The following KIF3B variants were observed in gnomAD, a reference collection of about 807,000 sequenced individuals.
KIF3B encodes the protein kinesin-like protein KIF3B.
In KIF3B, 38 loss-of-function variants were observed where a neutral mutation model predicts 74.3. The ratio of observed to expected loss-of-function variants is 0.51; its 90% CI spans 0.39 to 0.67. The LOEUF (loss-of-function observed/expected upper bound fraction) is 0.67, where lower values mean the gene tolerates loss of function less well. KIF3B is among the 30% of genes least tolerant of loss of function. The probability of loss-of-function intolerance (pLI) is 0.00; values close to 1 mark genes in which losing one functional copy is unlikely to be tolerated. For missense variants in KIF3B, 649 were observed against 932.0 expected, an observed-to-expected ratio of 0.70 and a Z score of 3.95; for synonymous variants, 326 against 342.5, an observed-to-expected ratio of 0.95 and a Z score of 0.53.
intron 1 of KIF3B, among the ~76,000 whole-genome samples, chr20:32,291,320 T>G (rs2047690242): frequency 6.6e-6 from 1 of 152,158 alleles, no homozygotes; most frequent in Non-Finnish European, 1.5e-5. Flanking sequence ...GGGTGATTTT[T>G]TTTTCATTTG....
At chr20:32,323,543 G>A (rs911184535) in intron 5 of KIF3B, among the ~76,000 whole-genome samples, 1 of 151,860 alleles carries the variant, frequency 6.6e-6, no homozygotes. Context: ...GGGACTACTC[G>A]AGTAGTGAGC....
At chr20:32,286,139 G>A (rs2047666672) in intron 1 of KIF3B, among the ~76,000 whole-genome samples, 1 of 152,172 alleles carries the variant, frequency 6.6e-6, no homozygotes, top group Non-Finnish European at 1.5e-5. Context: ...TCTATAAATG[G>A]AAATGGGTTC....
chr20:32,302,760 C>T (rs2047750545), intron 1 of KIF3B, among the ~76,000 whole-genome samples: 1 of 152,106 alleles, frequency 6.6e-6, no homozygotes, highest in South Asian at 2.1e-4. Context: ...GCACCTAGAT[C>T]AGCTTTGGCA....
At position 32,332,950 on chromosome 20, in the gene KIF3B, T is replaced by A. The variant is rs1054725232; in HGVS notation, c.*1631T>A. ...TGCCTCAGGAAGGTGGCGACTCAGG[T>A]GGGCCTTGAGTTATATTTTAACTCA... On this transcript the variant is annotated 3_prime_UTR_variant, in exon 9 of 9. Coordinates refer to ENST00000375712, the MANE Select transcript of KIF3B (RefSeq NM_004798.4). The A allele has an allele frequency of 6.6e-6, 1 of 152,574 alleles. No homozygotes were observed. The highest frequency in any genetic ancestry group is 6.5e-5 in the Admixed American group (1 of 15,268). 9.5% of individuals were successfully genotyped at this position (152,574 alleles called of 1,614,324 possible).
At chr20:32,288,566 CCTT>C (rs1328964389) in intron 1 of KIF3B, among the ~76,000 whole-genome samples, 1 of 152,092 alleles carries the variant, frequency 6.6e-6, no homozygotes, top group African/African-American at 2.4e-5. Context: ...GTTTTTCTCA[CCTT>C]CTTTTTAGTC....
At position 32,327,670 on chromosome 20, in the gene KIF3B, A is replaced by C. The variant is rs1360997286; in HGVS notation, c.1968+9A>C. ...CAGAGGCCCGATATAGGGTGAGAAG[A>C]TCCTTCTTGGGTTTTTCTCCTGTCT... On this transcript the variant is annotated intron_variant, in intron 7 of 8. Transcript: ENST00000375712. 1 of 1,606,368 alleles carries C rather than the reference A, an allele frequency of 6.2e-7. No individual in the cohort carries two copies. The highest frequency in any genetic ancestry group is 2.2e-5 in the East Asian group (1 of 44,742).
intron 2 of KIF3B, among the ~76,000 whole-genome samples, chr20:32,315,283 C>G (rs537172130): frequency 6.6e-6 from 1 of 152,340 alleles, no homozygotes; most frequent in East Asian, 1.9e-4. Flanking sequence ...GGATTTAGGT[C>G]AACTTCATCA....
In KIF3B at chr20:32,332,735, G is replaced by T. The variant is rs1170687781; in HGVS notation, c.*1416G>T. 1 of 152,350 alleles carries T rather than the reference G, an allele frequency of 6.6e-6. No individual in the cohort carries two copies. Among genetic ancestry groups the T allele is most frequent in the African/African-American group, 2.4e-5 (1 of 41,460 alleles). The allele number at this position is 152,350 out of a possible 1,614,324, so 9.4% of individuals were successfully genotyped here. On this transcript the variant is annotated 3_prime_UTR_variant, in exon 9 of 9. Transcript: ENST00000375712. ...TCCATATGTGTCTGTAAGAGAGACA[G>T]AGACCAAGAACTTGCCCAATTTTAG...
At chr20:32,305,735 C>T (rs1600426557) in intron 1 of KIF3B, among the ~76,000 whole-genome samples, 1 of 151,468 alleles carries the variant, frequency 6.6e-6, no homozygotes. Flanking sequence ...CCACCATGCC[C>T]GGCTAAATTT....
In KIF3B at chr20:32,312,306, T is replaced by C. The variant is rs141917136; in HGVS notation, c.1404+1125T>C. Among the ~76,000 whole-genome samples, 6 of 152,028 alleles carry C rather than the reference T, an allele frequency of 3.9e-5. No individual in the cohort carries two copies. The East Asian group carries it at 1.2e-3, about 29-fold the overall frequency. ...TTTTTGTAGAGACATGGTCTCACTA[T>C]GTTGTTCAGGCTGGTCTCAAACTCC... On this transcript the variant is annotated intron_variant, in intron 2 of 8. Coordinates refer to ENST00000375712, the MANE Select transcript of KIF3B (RefSeq NM_004798.4).
intron 7 of KIF3B, 119 bp downstream of exon 7, chr20:32,327,780 T>A: frequency 1.6e-6 from 1 of 610,764 alleles, no homozygotes; most frequent in Non-Finnish European, 2.9e-6. Context: ...TTGAAGACAT[T>A]TATACCAATA....
intron 1 of KIF3B, among the ~76,000 whole-genome samples, chr20:32,308,705 C>T (rs2047784631): frequency 6.6e-6 from 1 of 151,554 alleles, no homozygotes; most frequent in African/African-American, 2.4e-5. Flanking sequence ...GCCACTGAGC[C>T]TGGTCATTAT....
intron 5 of KIF3B, among the ~76,000 whole-genome samples, chr20:32,322,623 T>C (rs1441873240): frequency 9.2e-6 from 1 of 108,886 alleles, no homozygotes; most frequent in Non-Finnish European, 1.7e-5. Flanking sequence ...AAAAATTTTA[T>C]ATATTTATAT....
intron 7 of KIF3B, among the ~76,000 whole-genome samples, chr20:32,327,890 C>T (rs902105761): frequency 6.6e-6 from 1 of 152,088 alleles, no homozygotes; most frequent in Non-Finnish European, 1.5e-5. Context: ...GGTTGATTCC[C>T]AGGAGTTTGA....
chr20:32,308,966 C>T (rs1459690805), intron 1 of KIF3B, among the ~76,000 whole-genome samples: 4 of 151,976 alleles, frequency 2.6e-5, no homozygotes, highest in Admixed American at 6.6e-5. Context: ...CCACCCGCCT[C>T]GGCCTCCCAA....
In KIF3B at chr20:32,326,789, C is replaced by G; in HGVS notation, c.1767C>G (p.Asn589Lys). ...ELKLKHLIIE[N>K]FIPLEEKSKI... The stretch of plus-strand genomic sequence containing the variant: ...CTTACAGGCATCTTATTATAGAAAA[C>G]TTTATCCCTCTGGAAGAAAAAAGTA... Residue 589 changes from asparagine to lysine, a missense_variant, in exon 6 of 9, where the codon AAC (asparagine) becomes AAG (lysine). This residue lies in a region of KIF3B where 186 missense variants were observed against 198.5 expected (regional missense o/e 0.94). Coordinates refer to ENST00000375712, the MANE Select transcript of KIF3B (RefSeq NM_004798.4). The G allele has an allele frequency of 6.8e-7, 1 of 1,475,536 alleles. No individual in the cohort carries two copies. The highest frequency in any genetic ancestry group is 9.4e-7 in the Non-Finnish European group (1 of 1,062,030). The allele number at this position is 1,475,536 out of a possible 1,614,324, so 91.4% of individuals were successfully genotyped here. A position where few individuals can be genotyped will look rare whatever the true frequency, so the allele number is the denominator to read the frequency against.
At chr20:32,304,624 T>A (rs1437196928) in intron 1 of KIF3B, among the ~76,000 whole-genome samples, 2 of 152,174 alleles carry the variant, frequency 1.3e-5, no homozygotes, top group African/African-American at 4.8e-5. Context: ...AGCTCTGTAT[T>A]TACCGAAGGA....
chr20:32,331,378 G>A lies in KIF3B; in HGVS notation c.*59G>A. The stretch of plus-strand genomic sequence containing the variant: ...ATTTGCCTTCTGAGAGAAGAGACTA[G>A]CAAAAAGCTGCAGAGAGGATTCGGC... On this transcript the variant is annotated 3_prime_UTR_variant, in exon 9 of 9. Transcript: ENST00000375712. The A allele has an allele frequency of 2.2e-6, 3 of 1,367,568 alleles. No homozygotes were observed. Among genetic ancestry groups the A allele is most frequent in the Admixed American group, 2.0e-5 (1 of 51,040 alleles). The allele number at this position is 1,367,568 out of a possible 1,614,324, so 84.7% of individuals were successfully genotyped here.
intron 1 of KIF3B, among the ~76,000 whole-genome samples, chr20:32,286,700 T>C (rs1038083647): frequency 1.3e-5 from 2 of 152,236 alleles, no homozygotes; most frequent in Non-Finnish European, 2.9e-5. Context: ...CATTTTACTG[T>C]CCATATACAA....
Sources: allele counts gnomAD v4.1 joint callset (sites outside exome capture counted in the v4.1 genomes callset), GRCh38; gene constraint gnomAD v4.1.1; regional missense constraint gnomAD v4.1.1; transcripts MANE v1.5; gene names NCBI Gene and HGNC (gene_info 2026-07-23, HGNC 2026-07-21).